BLTP1: variants seen among roughly 807,000 people sequenced by gnomAD.
BLTP1 encodes bridge-like lipid transfer protein family member 1, also known as fragile site-associated protein.
At chr4:122,342,802 T>C in the BLTP1 span, among the ~76,000 whole-genome samples, 2 of 152,230 alleles carry the variant, frequency 1.3e-5, no homozygotes, top group African/African-American at 4.8e-5. Flanking sequence ...AGTTGTAATA[T>C]ATAAATCCAA....
chr4:122,275,869 G>GA, the BLTP1 span: 18 of 1,274,818 alleles, frequency 1.4e-5, no homozygotes, highest in Admixed American at 6.7e-5. Flanking sequence ...TGGGAAATTA[G>GA]AAAAGCTTTC....
At chr4:122,207,452 G>A in the BLTP1 span, 10 of 1,475,002 alleles carry the variant, frequency 6.8e-6, no homozygotes, top group African/African-American at 1.2e-4. Context: ...GTTTAGTTGT[G>A]CATTTTAGGC....
At chr4:122,194,141 C>A in the BLTP1 span, among the ~76,000 whole-genome samples, 1 of 152,172 alleles carries the variant, frequency 6.6e-6, no homozygotes, top group Admixed American at 6.5e-5. Flanking sequence ...GGATTACAGG[C>A]GTGAGCCACT....
chr4:122,186,062 A>G, the BLTP1 span: 3 of 1,601,326 alleles, frequency 1.9e-6, no homozygotes, highest in South Asian at 2.2e-5. Flanking sequence ...CAGGTTATAC[A>G]TCACAGTCAA....
the BLTP1 span, chr4:122,274,579 CAAATA>C: frequency 7.4e-7 from 1 of 1,353,138 alleles, no homozygotes; most frequent in East Asian, 3.1e-5. Context: ...AGAATATCAC[CAAATA>C]AAATATTTTA....
At chr4:122,187,424 T>A in the BLTP1 span, 1 of 1,610,746 alleles carries the variant, frequency 6.2e-7, no homozygotes, top group Non-Finnish European at 8.5e-7. Flanking sequence ...TTATTTTTTC[T>A]TGTTAGAGTT....
At chr4:122,222,919 T>A in the BLTP1 span, 4 of 825,548 alleles carry the variant, frequency 4.8e-6, no homozygotes, top group African/African-American at 7.4e-5. Flanking sequence ...TAATATTTAT[T>A]GGTGTATCAT....
chr4:122,350,789 C>T, the BLTP1 span, among the ~76,000 whole-genome samples: 1 of 152,036 alleles, frequency 6.6e-6, no homozygotes, highest in Non-Finnish European at 1.5e-5. Context: ...ATACTGAGTC[C>T]AAAGTTCCCC....
the BLTP1 span, chr4:122,220,613 G>C: frequency 3.0e-6 from 2 of 673,924 alleles, no homozygotes; most frequent in African/African-American, 3.8e-5. Flanking sequence ...AAGAAGTTTT[G>C]TATGTATGTT....
the BLTP1 span, among the ~76,000 whole-genome samples, chr4:122,354,476 G>GTTTTT: frequency 2.7e-5 from 4 of 147,494 alleles, no homozygotes; most frequent in African/African-American, 9.9e-5. Flanking sequence ...GCTTTTGATA[G>GTTTTT]TTTTTTTTTT....
the BLTP1 span, among the ~76,000 whole-genome samples, chr4:122,329,012 C>G: frequency 6.6e-6 from 1 of 151,740 alleles, no homozygotes; most frequent in Non-Finnish European, 1.5e-5. Context: ...AACTCTCTGT[C>G]TTCAATCTTC....
the BLTP1 span, among the ~76,000 whole-genome samples, chr4:122,318,617 A>AT: frequency 6.6e-6 from 1 of 152,178 alleles, no homozygotes. Flanking sequence ...TCTGCAAAAA[A>AT]TGTGAAAAAT....
chr4:122,183,351 A>T, the BLTP1 span: 1 of 947,572 alleles, frequency 1.1e-6, no homozygotes, highest in Non-Finnish European at 1.3e-6. Context: ...AAAAAAAAAA[A>T]GCTTAAACAA....
At chr4:122,277,820 T>G in the BLTP1 span, 1 of 757,414 alleles carries the variant, frequency 1.3e-6, no homozygotes, top group Non-Finnish European at 1.6e-6. Context: ...TATTTTTTCT[T>G]TTCATATTTA....
At chr4:122,330,397 C>T in the BLTP1 span, among the ~76,000 whole-genome samples, 1 of 151,688 alleles carries the variant, frequency 6.6e-6, no homozygotes, top group African/African-American at 2.4e-5. Context: ...CTTGTTTTTG[C>T]TTTTTGTTTA....
chr4:122,293,608 G>A, the BLTP1 span, among the ~76,000 whole-genome samples: 5 of 140,358 alleles, frequency 3.6e-5, no homozygotes, highest in African/African-American at 8.0e-5. Context: ...GCAGCCACTC[G>A]GGCACGCACA....
the BLTP1 span, among the ~76,000 whole-genome samples, chr4:122,170,972 GAGA>G: frequency 6.6e-6 from 1 of 152,296 alleles, no homozygotes; most frequent in East Asian, 1.9e-4. Flanking sequence ...GAAGTGGAAA[GAGA>G]AGAAGAACAC....
At chr4:122,229,981 G>C in the BLTP1 span, 2 of 1,614,082 alleles carry the variant, frequency 1.2e-6, no homozygotes, top group Non-Finnish European at 8.5e-7. Context: ...AATCGGTTGG[G>C]GAAGGAATCA....
At chr4:122,332,091 TA>T in the BLTP1 span, among the ~76,000 whole-genome samples, 992 of 151,710 alleles carry the variant, frequency 6.5e-3, 8 homozygotes, top group African/African-American at 0.023. Context: ...AAATGAACTG[TA>T]AAAAAAATAG....
Sources: allele counts gnomAD v4.1 joint callset (sites outside exome capture counted in the v4.1 genomes callset), GRCh38; gene constraint gnomAD v4.1.1; transcripts MANE v1.5; gene names NCBI Gene and HGNC (gene_info 2026-07-23, HGNC 2026-07-21).